RSF1: variants seen among roughly 807,000 people sequenced by gnomAD.
The protein encoded by RSF1 is remodeling and spacing factor 1, also known as HBV pX-associated protein 8.
RSF1 carries 13 observed loss-of-function variants against 145.2 expected under a neutral mutation model. That is an observed-to-expected ratio of 0.09 (90% CI 0.06 to 0.14). The LOEUF (loss-of-function observed/expected upper bound fraction) is 0.14. RSF1 is among the 10% of genes least tolerant of loss of function. The pLI is 1.00. For missense variants in RSF1, 1,517 were observed against 1,718.2 expected (o/e 0.88, Z 2.07); for synonymous variants, 577 against 592.6 (o/e 0.97, Z 0.38).
At chr11:77,746,065 C>T (rs1590864115) in intron 3 of RSF1, among the ~76,000 whole-genome samples, 1 of 151,870 alleles carries the variant, frequency 6.6e-6, no homozygotes, top group Non-Finnish European at 1.5e-5. Context: ...AGTATGTATA[C>T]TAAAGTATTA....
At chr11:77,707,630 C>T (rs924611771) in intron 5 of RSF1, among the ~76,000 whole-genome samples, 2 of 152,092 alleles carry the variant, frequency 1.3e-5, no homozygotes, top group African/African-American at 4.8e-5. Context: ...TTTAATTTAA[C>T]CAACCAGCAA....
chr11:77,725,722 C>T (rs1961038975), intron 4 of RSF1, 23 bp from the exon 5 acceptor site: 3 of 1,544,336 alleles, frequency 1.9e-6, no homozygotes, highest in African/African-American at 1.4e-5. Flanking sequence ...AAAAATAAGA[C>T]AGCATAAAAA....
At position 77,701,296 on chromosome 11, in the gene RSF1, T is replaced by C; in HGVS notation, c.1933A>G (p.Lys645Glu). The stretch of plus-strand genomic sequence containing the variant: ...GTACTCTGGCATTCTACCACTTCTT[T>C]TTCTGAGGCTAGTTTCTCACAGTGG... The part of the protein sequence containing the change: ...IDHCEKLASE[K>E]EVVECQSTST... Residue 645 changes from lysine (K) to glutamate (E), a missense_variant, in exon 6 of 16, where the codon AAA becomes GAA. By Grantham distance (56) the Lys-to-Glu change is moderately conservative. This residue lies in a region of RSF1 where 579 missense variants were observed against 553.5 expected (regional missense o/e 1.05). Coordinates refer to ENST00000308488, the MANE Select transcript of RSF1 (RefSeq NM_016578.4). 8.1e-6 allele frequency: 13 copies of C among 1,614,078 alleles called. No individual in the cohort carries two copies. The highest frequency in any genetic ancestry group is 1.0e-5 in the Non-Finnish European group (12 of 1,179,994).
chr11:77,857,283 T>C, the RSF1 span, among the ~76,000 whole-genome samples: 1 of 152,168 alleles, frequency 6.6e-6, no homozygotes, highest in Admixed American at 6.5e-5. Flanking sequence ...TCACAGAAAG[T>C]GGGATCTTTG....
At chr11:77,768,970 T>C (rs1441528165) in intron 1 of RSF1, among the ~76,000 whole-genome samples, 1 of 152,254 alleles carries the variant, frequency 6.6e-6, no homozygotes, top group Non-Finnish European at 1.5e-5. Flanking sequence ...AGGAACTCAA[T>C]TCTTAATTTT....
At chr11:77,779,693 G>A (rs956110253) in intron 1 of RSF1, among the ~76,000 whole-genome samples, 10 of 152,072 alleles carry the variant, frequency 6.6e-5, no homozygotes, top group African/African-American at 1.4e-4. Flanking sequence ...TTCTAGACAC[G>A]GGCTGCTTAA....
chr11:77,710,365 A>G (rs1207001186), intron 5 of RSF1, among the ~76,000 whole-genome samples: 2 of 152,312 alleles, frequency 1.3e-5, no homozygotes, highest in South Asian at 2.1e-4. Context: ...CACATAGTAC[A>G]TATCTCTTGA....
rs149148755 is a variant in RSF1 at position 77,702,299 on chromosome 11, T to G, written c.930A>C (p.Glu310Asp). Reference sequence around the variant, plus strand: ...CATTTTCCTTGAAGGAATCACTTTCTTCTTTGATAATCTTTTTTTCTTCAT... The same window carrying G: ...CATTTTCCTTGAAGGAATCACTTTCGTCTTTGATAATCTTTTTTTCTTCAT... ...PENEEKKIIK[E>D]ESDSFKENVK... The change falls in exon 6 of 16, where the codon GAA becomes GAC. Residue 310 changes from glutamate to aspartate, a missense_variant. By Grantham distance (45) the Glu-to-Asp change is conservative. This residue lies in a region of RSF1 where 207 missense variants were observed against 191.4 expected (regional missense o/e 1.08). Transcript: ENST00000308488. 67 of 1,609,854 alleles carry G rather than the reference T, an allele frequency of 4.2e-5. No homozygotes were observed. The highest frequency in any genetic ancestry group is 5.3e-5 in the Non-Finnish European group (62 of 1,179,124).
intron 7 of RSF1, 24 bp from the exon 8 acceptor site, chr11:77,693,635 A>T (rs1565150484): frequency 6.5e-7 from 1 of 1,543,872 alleles, no homozygotes; most frequent in East Asian, 2.2e-5. Context: ...ACTGATGTCA[A>T]CCTAACTATG....
the RSF1 span, chr11:77,869,306 C>CTCTTTTTTT: frequency 2.5e-5 from 3 of 120,402 alleles, no homozygotes; most frequent in Admixed American, 9.1e-5. Context: ...TTATTTATCT[C>CTCTTTTTTT]TTTTTCTTTT....
At chr11:77,823,792 G>C (rs187849699), upstream of RSF1, among the ~76,000 whole-genome samples, 225 of 151,946 alleles carry the variant, frequency 1.5e-3, no homozygotes, top group Admixed American at 3.9e-3. Flanking sequence ...AATTTCTATG[G>C]AAAGAACCTT....
At position 77,700,266 on chromosome 11, in the gene RSF1, G is replaced by A. The variant is rs139114633; in HGVS notation, c.2508+455C>T. ...CTTGGGAGACTGAGGCAAGAGAATCGCTTGAACCAGGGAGGCAGAGGTTGC... is the reference window on the plus strand; with the variant it reads ...CTTGGGAGACTGAGGCAAGAGAATCACTTGAACCAGGGAGGCAGAGGTTGC... On this transcript the variant is annotated intron_variant, in intron 6 of 15. Transcript: ENST00000308488. Among the ~76,000 whole-genome samples the A allele has an allele frequency of 1.1e-4, 15 of 141,792 alleles. No individual in the cohort carries two copies. The South Asian group carries it at 1.5e-3, about 15-fold the overall frequency. 93.0% of individuals were successfully genotyped at this position (141,792 alleles called of 152,430 possible). A position where few individuals can be genotyped will look rare whatever the true frequency, so the allele number is the denominator to read the frequency against.
chr11:77,677,187 C>G, intron 12 of RSF1, 188 bp from the exon 13 acceptor site: 1 of 579,620 alleles, frequency 1.7e-6, no homozygotes, highest in Non-Finnish European at 3.0e-6. Context: ...TTCGTTTACC[C>G]TACTGAAGAG....
chr11:77,682,940 T>TA (rs1283937363), intron 11 of RSF1, among the ~76,000 whole-genome samples: 2 of 152,074 alleles, frequency 1.3e-5, no homozygotes, highest in Admixed American at 6.6e-5. Context: ...TGTGATAAGA[T>TA]AGAGTTGGAG....
Position 77,701,385 on chromosome 11 carries a change from A to C in RSF1, c.1844T>G (p.Leu615Arg). ...PIPEEVPKST[L>R]ESEKPGSPEA... Reference sequence around the variant, plus strand: ...AGGAGAGCCAGGCTTTTCTGACTCTAGAGTACTCTTTGGAACTTCTTCTGG... The same window carrying C: ...AGGAGAGCCAGGCTTTTCTGACTCTCGAGTACTCTTTGGAACTTCTTCTGG... Residue 615 changes from leucine to arginine, a missense_variant, in exon 6 of 16, where the codon CTA becomes CGA. Leu to Arg is a moderately radical substitution (Grantham distance 102, BLOSUM62 -2). Transcript: ENST00000308488. 4 of 1,614,008 alleles carry C rather than the reference A, an allele frequency of 2.5e-6. No homozygotes were observed. The highest frequency in any genetic ancestry group is 3.4e-6 in the Non-Finnish European group (4 of 1,179,986).
intron 5 of RSF1, among the ~76,000 whole-genome samples, chr11:77,705,797 T>C (rs950606239): frequency 6.6e-6 from 1 of 151,832 alleles, no homozygotes; most frequent in African/African-American, 2.4e-5. Flanking sequence ...GTCAAGGCTG[T>C]AGTGAGCTAT....
At chr11:77,772,848 GAA>G (rs1161762028) in intron 1 of RSF1, among the ~76,000 whole-genome samples, 96 of 85,180 alleles carry the variant, frequency 1.1e-3, no homozygotes, top group Middle Eastern at 6.8e-3. Context: ...GCCCAAGATG[GAA>G]AAAAAAAAAA....
At chr11:77,751,330 T>G (rs1206932344) in intron 2 of RSF1, among the ~76,000 whole-genome samples, 2 of 152,138 alleles carry the variant, frequency 1.3e-5, no homozygotes, top group Non-Finnish European at 2.9e-5. Flanking sequence ...TAAGATCTCA[T>G]CCCTGGGGGC....
At chr11:77,751,865 T>C (rs1041932894) in intron 2 of RSF1, among the ~76,000 whole-genome samples, 2 of 152,242 alleles carry the variant, frequency 1.3e-5, no homozygotes, top group South Asian at 2.1e-4. Context: ...CAGCTTTAAC[T>C]AGTGTCAGGC....
Sources: allele counts gnomAD v4.1 joint callset (sites outside exome capture counted in the v4.1 genomes callset), GRCh38; gene constraint gnomAD v4.1.1; regional missense constraint gnomAD v4.1.1; transcripts MANE v1.5; gene names NCBI Gene and HGNC (gene_info 2026-07-23, HGNC 2026-07-21).